NEK11: variants seen among roughly 807,000 people sequenced by gnomAD.
NEK11 encodes the protein serine/threonine-protein kinase Nek11.
Under a neutral mutation model 80.7 loss-of-function variants are expected in NEK11, and 72 were observed. That is an observed-to-expected ratio of 0.89 (90% CI 0.74 to 1.08). The LOEUF is 1.08. Among genes scored for constraint, NEK11 ranks in the 50% least tolerant of loss-of-function variants. The pLI is 0.00. For synonymous variants in NEK11, 251 were observed against 260.7 expected (o/e 0.96, Z 0.36); for missense variants, 764 against 763.6 (o/e 1.00, Z -0.01).
At chr3:131,170,158 G>T (rs7640889) in intron 13 of NEK11, among the ~76,000 whole-genome samples, 3 of 152,120 alleles carry the variant, frequency 2.0e-5, no homozygotes, top group African/African-American at 7.2e-5. Context: ...CTCAGCACCA[G>T]CTCCAGGTTC....
intron 17 of NEK11, among the ~76,000 whole-genome samples, chr3:131,332,884 G>A (rs2097115709): frequency 6.6e-6 from 1 of 152,150 alleles, no homozygotes; most frequent in Non-Finnish European, 1.5e-5. Context: ...AAGACTAAAT[G>A]AATGAAACGA....
intron 3 of NEK11, among the ~76,000 whole-genome samples, chr3:131,075,642 C>T (rs930404031): frequency 3.3e-5 from 5 of 152,146 alleles, no homozygotes; most frequent in Middle Eastern, 3.4e-3. Context: ...AAAGAATTAC[C>T]GCAGCCTTAA....
At chr3:131,288,504 G>A (rs2096503760) in intron 17 of NEK11, among the ~76,000 whole-genome samples, 1 of 142,004 alleles carries the variant, frequency 7.0e-6, no homozygotes, top group Non-Finnish European at 1.5e-5. Context: ...CCAGGCTGGA[G>A]TGCAATGGGG....
intron 3 of NEK11, among the ~76,000 whole-genome samples, chr3:131,053,023 G>A (rs188788351): frequency 2.0e-5 from 3 of 152,116 alleles, no homozygotes; most frequent in African/African-American, 7.2e-5. Context: ...CGCCCCCCGG[G>A]ACACTCTTAT....
intron 17 of NEK11, among the ~76,000 whole-genome samples, chr3:131,292,770 C>A (rs1034187774): frequency 6.6e-6 from 1 of 152,100 alleles, no homozygotes; most frequent in Non-Finnish European, 1.5e-5. Context: ...TGATTTATTT[C>A]ATCAGAGATT....
chr3:131,264,051 G>C (rs1258460280), intron 16 of NEK11, among the ~76,000 whole-genome samples: 1 of 152,156 alleles, frequency 6.6e-6, no homozygotes, highest in African/African-American at 2.4e-5. Context: ...CCCACTTTTT[G>C]ATGGGGTTGT....
chr3:131,124,507 C>G (rs568811827), intron 5 of NEK11, among the ~76,000 whole-genome samples: 1 of 152,208 alleles, frequency 6.6e-6, no homozygotes, highest in South Asian at 2.1e-4. Flanking sequence ...CTACACCCCC[C>G]ACTTCCTTTA....
intron 3 of NEK11, among the ~76,000 whole-genome samples, chr3:131,064,125 G>A (rs1281602497): frequency 6.6e-6 from 1 of 152,176 alleles, no homozygotes; most frequent in East Asian, 1.9e-4. Flanking sequence ...TATCAAGCAG[G>A]CAAACCCACA....
At chr3:131,233,228 G>A (rs918072802) in intron 15 of NEK11, among the ~76,000 whole-genome samples, 1 of 152,122 alleles carries the variant, frequency 6.6e-6, no homozygotes, top group Non-Finnish European at 1.5e-5. Flanking sequence ...GTGTGTTGCT[G>A]GAGTCCAGCA....
intron 10 of NEK11, 85 bp from the exon 11 acceptor site, chr3:131,162,319 AGTGT>A: frequency 6.7e-7 from 1 of 1,498,392 alleles, no homozygotes; most frequent in Non-Finnish European, 9.0e-7. Context: ...TGCTCTCAGT[AGTGT>A]AGTGATACTT....
intron 5 of NEK11, among the ~76,000 whole-genome samples, chr3:131,127,325 CA>C (rs1301364117): frequency 1.3e-5 from 2 of 151,978 alleles, no homozygotes; most frequent in Non-Finnish European, 2.9e-5. Flanking sequence ...TTTCACTAAC[CA>C]TTATTCCAGT....
At chr3:131,291,742 T>C (rs1424198899) in intron 17 of NEK11, among the ~76,000 whole-genome samples, 3 of 152,198 alleles carry the variant, frequency 2.0e-5, no homozygotes, top group Non-Finnish European at 4.4e-5. Context: ...GCCATCTATA[T>C]ATTTTCTTTG....
At chr3:131,075,323 G>A (rs921698532) in intron 3 of NEK11, among the ~76,000 whole-genome samples, 16 of 152,006 alleles carry the variant, frequency 1.1e-4, no homozygotes, top group Non-Finnish European at 7.4e-5. Context: ...TAATATTTTT[G>A]TTTTACCAAG....
intron 17 of NEK11, among the ~76,000 whole-genome samples, chr3:131,297,504 G>A (rs1205829414): frequency 6.6e-6 from 1 of 152,042 alleles, no homozygotes; most frequent in African/African-American, 2.4e-5. Context: ...CTTTTTGATG[G>A]GGTTGTTTGA....
chr3:131,273,352 CTAAT>C, intron 16 of NEK11, 122 bp from the exon 17 acceptor site: 1 of 633,842 alleles, frequency 1.6e-6, no homozygotes, highest in South Asian at 1.9e-5. Flanking sequence ...GAATTCATCT[CTAAT>C]TAATGTAGCA....
intron 14 of NEK11, among the ~76,000 whole-genome samples, chr3:131,202,303 T>G (rs371799760): frequency 6.6e-6 from 1 of 152,086 alleles, no homozygotes; most frequent in African/African-American, 2.4e-5. Context: ...TCACCACACC[T>G]GGGAAGTGCA....
intron 9 of NEK11, among the ~76,000 whole-genome samples, chr3:131,153,654 A>G (rs920033825): frequency 6.6e-6 from 1 of 152,068 alleles, no homozygotes; most frequent in African/African-American, 2.4e-5. Context: ...CATGTTCCAA[A>G]CCCAAAGGAA....
chr3:131,334,943 C>T (rs2097156528), intron 17 of NEK11, among the ~76,000 whole-genome samples: 1 of 152,188 alleles, frequency 6.6e-6, no homozygotes, highest in Non-Finnish European at 1.5e-5. Flanking sequence ...TCTGAATAGA[C>T]CAATAACAGG....
chr3:131,078,008 T>G (rs2148998214), intron 3 of NEK11, among the ~76,000 whole-genome samples: 1 of 152,334 alleles, frequency 6.6e-6, no homozygotes, highest in Non-Finnish European at 1.5e-5. Flanking sequence ...GTGTTCCAAC[T>G]TTCTGTATTG....
Sources: allele counts gnomAD v4.1 joint callset (sites outside exome capture counted in the v4.1 genomes callset), GRCh38; gene constraint gnomAD v4.1.1; transcripts MANE v1.5; gene names NCBI Gene and HGNC (gene_info 2026-07-23, HGNC 2026-07-21).